Variants in MAST4 observed in about 807,000 individuals in gnomAD.
MAST4 encodes microtubule associated serine/threonine kinase family member 4, also known as microtubule-associated serine/threonine-protein kinase 4.
A neutral mutation model predicts 162.7 loss-of-function variants in MAST4; 89 were observed. The observed-to-expected ratio is 0.55, with a 90% CI of 0.46 to 0.65. The LOEUF (loss-of-function observed/expected upper bound fraction) is 0.65, where lower values mean the gene tolerates loss of function less well. Among genes scored for constraint, MAST4 ranks in the 30% least tolerant of loss-of-function variants. The pLI, the probability that MAST4 is intolerant of heterozygous loss-of-function variation, is 0.00. For missense variants in MAST4, 3,153 were observed against 3,374.0 expected (o/e 0.93, Z 1.62); for synonymous variants, 1,479 against 1,361.1 (o/e 1.09, Z -1.91).
chr5:66,686,419 G>GA (rs1362604589), intron 1 of MAST4, among the ~76,000 whole-genome samples: 1 of 152,120 alleles, frequency 6.6e-6, no homozygotes, highest in Admixed American at 6.5e-5. Flanking sequence ...GCAAACTAGA[G>GA]TCCTAACAAA....
chr5:66,913,552 T>C (rs1459616635), intron 4 of MAST4, among the ~76,000 whole-genome samples: 1 of 152,218 alleles, frequency 6.6e-6, no homozygotes, highest in Non-Finnish European at 1.5e-5. Context: ...TTTATAGCTT[T>C]TGACCATTAT....
intron 11 of MAST4, among the ~76,000 whole-genome samples, chr5:67,111,809 A>G (rs1016529988): frequency 2.6e-5 from 4 of 152,358 alleles, no homozygotes; most frequent in Admixed American, 6.5e-5. Flanking sequence ...GAGAAAAAGT[A>G]TAGCTTCTCA....
At chr5:66,642,615 A>G (rs1411812899) in intron 1 of MAST4, among the ~76,000 whole-genome samples, 1 of 152,164 alleles carries the variant, frequency 6.6e-6, no homozygotes, top group African/African-American at 2.4e-5. Context: ...GCCGATTTGT[A>G]ATGGAAGCTG....
chr5:67,006,241 C>G (rs1385650786), intron 4 of MAST4, among the ~76,000 whole-genome samples: 1 of 152,198 alleles, frequency 6.6e-6, no homozygotes, highest in African/African-American at 2.4e-5. Context: ...GTCATATTTG[C>G]TTTTTGATGC....
chr5:66,679,027 G>T (rs954478860), intron 1 of MAST4, among the ~76,000 whole-genome samples: 1 of 152,156 alleles, frequency 6.6e-6, no homozygotes, highest in African/African-American at 2.4e-5. Flanking sequence ...CCTGACCTCA[G>T]GTGATCCGCC....
chr5:66,632,433 T>A (rs1216085731), intron 1 of MAST4, among the ~76,000 whole-genome samples: 1 of 152,154 alleles, frequency 6.6e-6, no homozygotes, highest in Non-Finnish European at 1.5e-5. Flanking sequence ...TTTGGAGAAG[T>A]CATCTGGGCT....
chr5:66,635,205 A>G lies in MAST4; in HGVS notation c.363+38187A>G, dbSNP rs187620408. Among the ~76,000 whole-genome samples, 41 of 152,266 alleles carry G rather than the reference A, an allele frequency of 2.7e-4. 1 individual carries two copies. The highest frequency in any genetic ancestry group is 9.1e-4 in the African/African-American group (38 of 41,550). ...GACTCAGGCTCCCTGAACAGCCGCC[A>G]TTTCCAACCTTGCTGGTAACCGTGC... On this transcript the variant is annotated intron_variant, in intron 1 of 28. Transcript: ENST00000403625.
intron 3 of MAST4, among the ~76,000 whole-genome samples, chr5:66,844,733 T>C (rs537078851): frequency 2.6e-5 from 4 of 152,150 alleles, no homozygotes; most frequent in African/African-American, 9.6e-5. Context: ...AAGGGATAAG[T>C]AGATGAGTAT....
intron 3 of MAST4, among the ~76,000 whole-genome samples, chr5:66,872,401 C>T (rs1251364574): frequency 6.6e-6 from 1 of 152,120 alleles, no homozygotes; most frequent in African/African-American, 2.4e-5. Context: ...AACTCCTGAC[C>T]TCAGGTGATC....
chr5:66,814,911 C>A (rs576298608), intron 3 of MAST4, among the ~76,000 whole-genome samples: 1 of 152,240 alleles, frequency 6.6e-6, no homozygotes, highest in African/African-American at 2.4e-5. Context: ...TGCTGTTAAT[C>A]TTGCTAGCAT....
intron 1 of MAST4, among the ~76,000 whole-genome samples, chr5:66,718,891 C>T (rs1244548025): frequency 6.6e-6 from 1 of 152,176 alleles, no homozygotes; most frequent in African/African-American, 2.4e-5. Context: ...GAAAGCATGA[C>T]CTGGCGTCAT....
chr5:67,067,205 T>G (rs1760350891), intron 5 of MAST4, among the ~76,000 whole-genome samples: 5 of 152,206 alleles, frequency 3.3e-5, no homozygotes, highest in Admixed American at 3.3e-4. Context: ...TGGCTGACAA[T>G]TAATGATATG....
chr5:66,947,381 A>G (rs771128837), intron 4 of MAST4, among the ~76,000 whole-genome samples: 2 of 152,300 alleles, frequency 1.3e-5, no homozygotes, highest in South Asian at 2.1e-4. Context: ...ACAAAGAAAA[A>G]TGTATGAACA....
intron 26 of MAST4, among the ~76,000 whole-genome samples, chr5:67,159,570 G>T (rs537489742): frequency 6.6e-6 from 1 of 152,234 alleles, no homozygotes; most frequent in South Asian, 2.1e-4. Context: ...TGTACCTCTT[G>T]TACTTTCATG....
intron 1 of MAST4, among the ~76,000 whole-genome samples, chr5:66,663,496 A>G (rs890963598): frequency 1.3e-5 from 2 of 152,328 alleles, no homozygotes; most frequent in Non-Finnish European, 2.9e-5. Flanking sequence ...AGTTATGGGA[A>G]GTATCCTTGA....
rs1751947554 is a variant in MAST4 at position 66,733,023 on chromosome 5, G to T, written c.364-26686G>T. Among the ~76,000 whole-genome samples the T allele has an allele frequency of 2.0e-5, 3 of 152,130 alleles. No individual in the cohort carries two copies. The South Asian group carries it at 6.2e-4, about 32-fold the overall frequency. On this transcript the variant is annotated intron_variant, in intron 1 of 28. Transcript: ENST00000403625. ...TCATAATCCAGGTCTTCCCTTCATT[G>T]TGTTTGTTTTTTATGCTTCAACCTC... is the stretch of plus-strand genomic sequence containing the variant.
intron 4 of MAST4, among the ~76,000 whole-genome samples, chr5:66,930,168 G>A (rs998800396): frequency 6.6e-6 from 1 of 152,212 alleles, no homozygotes; most frequent in African/African-American, 2.4e-5. Context: ...AGAGCAGGAA[G>A]AGACGACTGA....
chr5:67,090,907 C>T (rs752558187), intron 6 of MAST4, among the ~76,000 whole-genome samples: 1 of 152,028 alleles, frequency 6.6e-6, no homozygotes, highest in Non-Finnish European at 1.5e-5. Flanking sequence ...TGCAATCCTT[C>T]ACCTTCCTGG....
rs952656909 is a variant in MAST4 at position 67,156,210 on chromosome 5, T to G, written c.3648+2630T>G. Among the ~76,000 whole-genome samples, 2 of 152,122 alleles carry G rather than the reference T, an allele frequency of 1.3e-5. 1 individual carries two copies. Among genetic ancestry groups the G allele is most frequent in the Admixed American group, 1.3e-4 (2 of 15,280 alleles). ...GAGGTGGGTGCTATAAATATAAATG[T>G]TCCCATTTCACAGATGAAAAAAACA... is the stretch of plus-strand genomic sequence containing the variant. On this transcript the variant is annotated intron_variant, in intron 26 of 28. Transcript: ENST00000403625.
Sources: allele counts gnomAD v4.1 joint callset (sites outside exome capture counted in the v4.1 genomes callset), GRCh38; gene constraint gnomAD v4.1.1; transcripts MANE v1.5; gene names NCBI Gene and HGNC (gene_info 2026-07-23, HGNC 2026-07-21).